Variants in CES1 observed in about 807,000 individuals in gnomAD.
The protein encoded by CES1 is liver carboxylesterase 1.
In CES1, 50 loss-of-function variants were observed where a neutral mutation model predicts 53.0. The ratio of observed to expected loss-of-function variants is 0.94; its 90% CI spans 0.75 to 1.19. CES1 has a LOEUF of 1.19. Among genes scored for constraint, CES1 ranks in the 50% most tolerant of loss-of-function variants. CES1 has a pLI of 0.00. For missense variants in CES1, 534 were observed against 538.0 expected (o/e 0.99, Z 0.07); for synonymous variants, 202 against 210.1 (o/e 0.96, Z 0.33).
Position 55,826,313 on chromosome 16 carries a change from A to C in CES1, c.261-18T>G. ...GGGTGCACCTGGGGAGGGGGAAAGA[A>C]GAACCCCTGAAGTTCAGCCAGATCT... On this transcript the variant is annotated intron_variant, in intron 2 of 13. Coordinates refer to ENST00000360526, the MANE Select transcript of CES1 (RefSeq NM_001025195.2). The C allele has an allele frequency of 6.2e-7, 1 of 1,613,976 alleles. No individual in the cohort carries two copies. Among genetic ancestry groups the C allele is most frequent in the Non-Finnish European group, 8.5e-7 (1 of 1,179,844 alleles).
chr16:55,810,999 G>A lies in CES1; in HGVS notation c.1098C>T (p.Ser366=), dbSNP rs539053231. Residue 366 remains serine (S), a synonymous_variant, in exon 10 of 14, where the codon AGC becomes AGT. Transcript: ENST00000360526. The part of the protein sequence containing the change: ...FGWLIPMQLM[S]YPLSEGQLDQ... ...CCAGTTGCCCTTCGGAGAGTGGATA[G>A]CTCATCAACTGCTAAAAAAAAAAAA... 1.2e-4 allele frequency: 188 copies of A among 1,596,442 alleles called. No individual in the cohort carries two copies. The African/African-American group carries it at 2.5e-3, about 21-fold the overall frequency.
intron 8 of CES1, among the ~76,000 whole-genome samples, chr16:55,815,028 G>A (rs536955254): frequency 1.1e-3 from 170 of 152,354 alleles, no homozygotes; most frequent in Middle Eastern, 3.4e-3. Flanking sequence ...GCCTGCCTGC[G>A]GTGGGCTCTG....
chr16:55,816,835 C>G lies in CES1; in HGVS notation c.945+89G>C, dbSNP rs2031963553. On this transcript the variant is annotated intron_variant, in intron 8 of 13. Coordinates refer to ENST00000360526, the MANE Select transcript of CES1 (RefSeq NM_001025195.2). ...AAACACGCAGGAGTTACTATAATTACCCAAGAGATGATTCTTTCACTCACA... is the reference window on the plus strand; with the variant it reads ...AAACACGCAGGAGTTACTATAATTAGCCAAGAGATGATTCTTTCACTCACA... The G allele has an allele frequency of 6.9e-6, 10 of 1,439,052 alleles. 1 individual carries two copies. In the South Asian group the frequency reaches 1.1e-4, roughly 16 times the overall value. The allele number at this position is 1,439,052 out of a possible 1,614,324, so 89.1% of individuals were successfully genotyped here. A position where few individuals can be genotyped will look rare whatever the true frequency, so the allele number is the denominator to read the frequency against.
At chr16:55,810,151 C>A (rs1210015879) in intron 11 of CES1, among the ~76,000 whole-genome samples, 2 of 152,132 alleles carry the variant, frequency 1.3e-5, no homozygotes, top group Admixed American at 6.6e-5. Context: ...AGATGGGATG[C>A]CCCTGAGCCC....
At chr16:55,825,429 T>C (rs1322067513) in intron 3 of CES1, among the ~76,000 whole-genome samples, 1 of 152,226 alleles carries the variant, frequency 6.6e-6, no homozygotes, top group Non-Finnish European at 1.5e-5. Context: ...GGCTGCCCCA[T>C]GTCCTGCCCT....
intron 8 of CES1, among the ~76,000 whole-genome samples, chr16:55,815,183 G>T (rs1350725815): frequency 6.6e-6 from 1 of 152,216 alleles, no homozygotes; most frequent in African/African-American, 2.4e-5. Context: ...ATGCTGTGGG[G>T]CAGGGTCTAG....
chr16:55,830,584 T>C (rs1291554509), intron 1 of CES1, among the ~76,000 whole-genome samples: 1 of 151,862 alleles, frequency 6.6e-6, no homozygotes, highest in Non-Finnish European at 1.5e-5. Context: ...AGGCAGATCA[T>C]TTGAGGTCAG....
chr16:55,810,676 C>G lies in CES1; in HGVS notation c.1171-12G>C. 3.7e-6 allele frequency: 6 copies of G among 1,613,980 alleles called. No homozygotes were observed. The highest frequency in any genetic ancestry group is 4.2e-6 in the Non-Finnish European group (5 of 1,179,898). On this transcript the variant is annotated splice_polypyrimidine_tract_variant and intron_variant, in intron 10 of 13. Coordinates refer to ENST00000360526, the MANE Select transcript of CES1 (RefSeq NM_001025195.2). ...TCCTTAGCAATGCACTGAAATAGAT[C>G]AAAAAGTGACCACCAGCCCCGGGTG...
Position 55,810,476 on chromosome 16 carries a change from C to T in CES1, c.1318+41G>A, listed in dbSNP as rs750738868. 59 of 1,613,264 alleles carry T rather than the reference C, an allele frequency of 3.7e-5. 1 individual carries two copies. In the South Asian group the frequency reaches 5.9e-4, roughly 16 times the overall value. ...GGTAGGTGGGTCAGATACAGAAGCT[C>T]GTGGGGTTTGTGTCCCTCCCGTTCG... On this transcript the variant is annotated intron_variant, in intron 11 of 13. Transcript: ENST00000360526.
At chr16:55,815,586 C>T (rs1567496238) in intron 8 of CES1, among the ~76,000 whole-genome samples, 1 of 152,178 alleles carries the variant, frequency 6.6e-6, no homozygotes, top group Non-Finnish European at 1.5e-5. Flanking sequence ...CTCCACTCCT[C>T]CCCGTTTCTT....
intron 5 of CES1, 103 bp downstream of exon 5, chr16:55,821,265 G>A: frequency 7.0e-7 from 1 of 1,435,650 alleles, no homozygotes. Context: ...CTGAATTCAG[G>A]TATTGTAATC....
At position 55,817,074 on chromosome 16, in the gene CES1, G is replaced by A. The variant is rs548046328; in HGVS notation, c.907-112C>T. The A allele has an allele frequency of 3.8e-4, 445 of 1,165,276 alleles. 3 individuals carry two copies. Among genetic ancestry groups the A allele is most frequent in the South Asian group, 2.4e-3 (198 of 83,344 alleles). 72.2% of individuals were successfully genotyped at this position (1,165,276 alleles called of 1,614,324 possible). A position where few individuals can be genotyped will look rare whatever the true frequency, so the allele number is the denominator to read the frequency against. ...TCTTCCCGCATCACTCCGTGAATTC[G>A]TATATCTATATGTGACCTGCGGTGC... On this transcript the variant is annotated intron_variant, in intron 7 of 13. Coordinates refer to ENST00000360526, the MANE Select transcript of CES1 (RefSeq NM_001025195.2).
intron 7 of CES1, among the ~76,000 whole-genome samples, chr16:55,817,577 C>A (rs570532764): frequency 3.9e-5 from 6 of 152,254 alleles, no homozygotes; most frequent in Admixed American, 3.3e-4. Flanking sequence ...CTGTAGTTCC[C>A]AGATCTGACC....
intron 4 of CES1, among the ~76,000 whole-genome samples, 164 bp from the exon 5 acceptor site, chr16:55,821,685 G>C (rs1282471214): frequency 2.0e-5 from 3 of 152,182 alleles, no homozygotes; most frequent in African/African-American, 7.2e-5. Flanking sequence ...GGTGATGTAT[G>C]GTTCTACATT....
intron 8 of CES1, among the ~76,000 whole-genome samples, chr16:55,815,190 C>T (rs1328210478): frequency 1.2e-4 from 19 of 152,280 alleles, no homozygotes; most frequent in African/African-American, 4.6e-4. Flanking sequence ...GGGGCAGGGT[C>T]TAGAGGGAGG....
At chr16:55,816,886 GACTCAAA>G in intron 8 of CES1, 31 bp downstream of exon 8, 1 of 1,604,446 alleles carries the variant, frequency 6.2e-7, no homozygotes, top group Non-Finnish European at 8.5e-7. Context: ...AAGGTGCTAA[GACTCAAA>G]ACCCGTAATC....
intron 9 of CES1, 148 bp from the exon 10 acceptor site, chr16:55,811,158 A>G: frequency 1.5e-6 from 1 of 663,876 alleles, no homozygotes; most frequent in South Asian, 1.6e-5. Flanking sequence ...AATGGGTGAA[A>G]TCAATGAATC....
intron 3 of CES1, among the ~76,000 whole-genome samples, chr16:55,825,227 T>C (rs115229956): frequency 0.012 from 1,787 of 152,264 alleles, 30 homozygotes; most frequent in African/African-American, 0.041. Context: ...AACCTTTCTC[T>C]CACTTCCTGT....
At chr16:55,811,091 A>C in intron 9 of CES1, 81 bp from the exon 10 acceptor site, 15 of 1,158,622 alleles carry the variant, frequency 1.3e-5, no homozygotes, top group Non-Finnish European at 1.9e-5. Flanking sequence ...AACCAAACCA[A>C]TGCAGTCTGA....
Sources: allele counts gnomAD v4.1 joint callset (sites outside exome capture counted in the v4.1 genomes callset), GRCh38; gene constraint gnomAD v4.1.1; transcripts MANE v1.5; gene names NCBI Gene and HGNC (gene_info 2026-07-23, HGNC 2026-07-21).